Variants in IL4 observed in about 807,000 individuals in gnomAD.
The protein encoded by IL4 is interleukin-4.
In IL4, 10 loss-of-function variants were observed where a neutral mutation model predicts 17.4. The observed-to-expected ratio is 0.57, with a 90% CI of 0.35 to 0.97. IL4 has a LOEUF of 0.97. IL4 is among the 50% of genes least tolerant of loss of function. The pLI is 0.01. For synonymous variants in IL4, 87 were observed against 79.0 expected, an observed-to-expected ratio of 1.10 and a Z score of -0.54; for missense variants, 174 against 187.7, an observed-to-expected ratio of 0.93 and a Z score of 0.43.
chr5:132,679,885 G>A lies in IL4; in HGVS notation c.355G>A (p.Gly119Ser). The A allele has an allele frequency of 6.2e-7, 1 of 1,611,440 alleles. No homozygotes were observed. ...RLDRNLWGLA[G>S]LNSCPVKEAN... ...CGACAGGAACCTCTGGGGCCTGGCGGGCTTGGTAAGCTGCACTGTATTCCT... is the reference window on the plus strand; with the variant it reads ...CGACAGGAACCTCTGGGGCCTGGCGAGCTTGGTAAGCTGCACTGTATTCCT... The change falls in exon 3 of 4, where the codon GGC becomes AGC. Residue 119 changes from glycine to serine, a missense_variant. By Grantham distance (56) the Gly-to-Ser change is moderately conservative. Coordinates refer to ENST00000231449, the MANE Select transcript of IL4 (RefSeq NM_000589.4).
rs770321488 is a variant in IL4 at position 132,674,454 on chromosome 5, C to T, written c.136-5C>T. 6.2e-7 allele frequency: 1 copy of T among 1,613,818 alleles called. No individual in the cohort carries two copies. The highest frequency in any genetic ancestry group is 2.2e-5 in the East Asian group (1 of 44,900). The stretch of plus-strand genomic sequence containing the variant: ...TCTTGCTCTCTCATTTCTGCCTGGA[C>T]CAAGACTCTGTGCACCGAGTTGACC... On this transcript the variant is annotated splice_polypyrimidine_tract_variant and splice_region_variant and intron_variant, in intron 1 of 3. Coordinates refer to ENST00000231449, the MANE Select transcript of IL4 (RefSeq NM_000589.4).
chr5:132,678,818 G>T (rs539410750), intron 2 of IL4, among the ~76,000 whole-genome samples: 22 of 152,190 alleles, frequency 1.4e-4, no homozygotes, highest in African/African-American at 5.3e-4. Context: ...AGTGAAAAAT[G>T]AGAGGACACA....
intron 3 of IL4, among the ~76,000 whole-genome samples, chr5:132,681,751 T>C (rs1333457679): frequency 2.0e-5 from 3 of 152,086 alleles, no homozygotes; most frequent in African/African-American, 4.8e-5. Flanking sequence ...GAGGAATTAA[T>C]TGGCTTTAGA....
intron 3 of IL4, among the ~76,000 whole-genome samples, chr5:132,681,969 A>C (rs980060249): frequency 6.6e-6 from 1 of 152,198 alleles, no homozygotes; most frequent in Non-Finnish European, 1.5e-5. Context: ...TAAGCAATAC[A>C]ATTAATAAAT....
chr5:132,678,967 G>C (rs867071383), intron 2 of IL4, among the ~76,000 whole-genome samples: 1 of 152,304 alleles, frequency 6.6e-6, no homozygotes, highest in African/African-American at 2.4e-5. Flanking sequence ...GCATTCCAAG[G>C]AGATTCTCAC....
intron 2 of IL4, 77 bp from the exon 3 acceptor site, chr5:132,679,636 GA>G (rs1312043424): frequency 6.2e-6 from 8 of 1,300,590 alleles, no homozygotes; most frequent in Middle Eastern, 3.8e-4. Flanking sequence ...CTGGAAAGAA[GA>G]AATCAAGAGG....
At chr5:132,679,992 C>T (rs1561678163) in intron 3 of IL4, 102 bp downstream of exon 3, 1 of 957,712 alleles carries the variant, frequency 1.0e-6, no homozygotes, top group African/African-American at 1.7e-5. Flanking sequence ...CTTGGTCAAC[C>T]CATTCATTCA....
chr5:132,674,480 G>GT lies in IL4; in HGVS notation c.158dup (p.Thr54AsnfsTer12), dbSNP rs778578630. On this transcript the variant is annotated frameshift_variant, in exon 2 of 4. Coordinates refer to ENST00000231449, the MANE Select transcript of IL4 (RefSeq NM_000589.4). LOFTEE classifies it high-confidence loss of function. ...CAAGACTCTGTGCACCGAGTTGACC[G>GT]TAACAGACATCTTTGCTGCCTCCAA... 6.2e-7 allele frequency: 1 copy of GT among 1,613,978 alleles called. No homozygotes were observed. Among genetic ancestry groups the GT allele is most frequent in the Non-Finnish European group, 8.5e-7 (1 of 1,179,938 alleles).
chr5:132,678,255 C>T (rs376564598), intron 2 of IL4, among the ~76,000 whole-genome samples: 3 of 152,208 alleles, frequency 2.0e-5, no homozygotes, highest in Non-Finnish European at 2.9e-5. Flanking sequence ...TGCGTTTCTA[C>T]GCAGCTCTCA....
chr5:132,678,526 C>T (rs1207102643), intron 2 of IL4, among the ~76,000 whole-genome samples: 8 of 152,048 alleles, frequency 5.3e-5, no homozygotes, highest in Non-Finnish European at 1.2e-4. Flanking sequence ...TATGTAAGAA[C>T]TTGAAAGCTG....
At position 132,679,821 on chromosome 5, in the gene IL4, C is replaced by T; in HGVS notation, c.291C>T (p.Phe97=). 1 of 1,613,978 alleles carries T rather than the reference C, an allele frequency of 6.2e-7. No individual in the cohort carries two copies. The highest frequency in any genetic ancestry group is 1.1e-5 in the South Asian group (1 of 91,070). ...TRCLGATAQQ[F]HRHKQLIRFL... ...GCCTGGGTGCGACTGCACAGCAGTT[C>T]CACAGGCACAAGCAGCTGATCCGAT... is the stretch of plus-strand genomic sequence containing the variant. The change falls in exon 3 of 4, where the codon TTC becomes TTT. Residue 97 remains phenylalanine, a synonymous_variant. Coordinates refer to ENST00000231449, the MANE Select transcript of IL4 (RefSeq NM_000589.4).
In IL4 at chr5:132,679,814, A is replaced by G; in HGVS notation, c.284A>G (p.Gln95Arg). 17 of 1,614,000 alleles carry G rather than the reference A, an allele frequency of 1.1e-5. No individual in the cohort carries two copies. The highest frequency in any genetic ancestry group is 1.4e-5 in the Non-Finnish European group (17 of 1,179,946). ...ACTCGCTGCCTGGGTGCGACTGCAC[A>G]GCAGTTCCACAGGCACAAGCAGCTG... ...KDTRCLGATA[Q>R]QFHRHKQLIR... is the part of the protein sequence containing the mutation. Residue 95 changes from glutamine (Q) to arginine (R), a missense_variant, in exon 3 of 4, where the codon CAG becomes CGG. Gln to Arg is a conservative substitution (Grantham distance 43, BLOSUM62 1). Coordinates refer to ENST00000231449, the MANE Select transcript of IL4 (RefSeq NM_000589.4).
chr5:132,681,044 A>T (rs1479781391), intron 3 of IL4, among the ~76,000 whole-genome samples: 1 of 152,246 alleles, frequency 6.6e-6, no homozygotes, highest in African/African-American at 2.4e-5. Flanking sequence ...TGGCTCTTGG[A>T]TAGCCAAGTG....
chr5:132,674,798 C>A (rs71645908), intron 2 of IL4, among the ~76,000 whole-genome samples: 1 of 152,186 alleles, frequency 6.6e-6, no homozygotes, highest in Non-Finnish European at 1.5e-5. Context: ...GTGCCTGGAA[C>A]GTAGGAGGCA....
At chr5:132,681,571 G>C (rs1044431126) in intron 3 of IL4, among the ~76,000 whole-genome samples, 1 of 152,208 alleles carries the variant, frequency 6.6e-6, no homozygotes, top group Admixed American at 6.5e-5. Context: ...CTGCAGGGTG[G>C]TTATGGAGTG....
rs1228939084 is a variant in IL4, at chr5:132,680,098, C to T, written c.360+208C>T. ...TCACTAAAGACACGCAGGCCGAGTC[C>T]CTGTTCTCATGGAATGTTCTAATGG... On this transcript the variant is annotated intron_variant, in intron 3 of 3. Coordinates refer to ENST00000231449, the MANE Select transcript of IL4 (RefSeq NM_000589.4). This position sits in a 1 kb window ranked among gnomAD's most constrained non-coding sequence, Gnocchi z 4.3. Among the ~76,000 whole-genome samples, 1 of 152,100 alleles carries T rather than the reference C, an allele frequency of 6.6e-6. No individual in the cohort carries two copies. Among genetic ancestry groups the T allele is most frequent in the Admixed American group, 6.5e-5 (1 of 15,274 alleles).
intron 2 of IL4, chr5:132,677,737 G>C (rs1204113659): frequency 6.6e-6 from 1 of 151,440 alleles, no homozygotes; most frequent in Non-Finnish European, 1.5e-5. Context: ...AGAAGCAAAG[G>C]GCTGACTTTT....
intron 2 of IL4, among the ~76,000 whole-genome samples, chr5:132,675,471 G>A (rs546254661): frequency 2.2e-5 from 3 of 135,616 alleles, no homozygotes; most frequent in Non-Finnish European, 4.5e-5. Context: ...ACTGCTCTTC[G>A]GGCCTTTAGC....
chr5:132,681,842 C>A (rs1321658301), intron 3 of IL4, among the ~76,000 whole-genome samples: 1 of 152,164 alleles, frequency 6.6e-6, no homozygotes, highest in African/African-American at 2.4e-5. Context: ...GAACTTGGCA[C>A]AACACATGTT....
Sources: gnomAD v4.1 joint callset for allele counts (sites outside exome capture counted in the v4.1 genomes callset) on GRCh38, gnomAD v4.1.1 for gene constraint, Gnocchi (gnomAD v3.1) non-coding constraint, MANE v1.5 for transcripts, NCBI Gene and HGNC (gene_info 2026-07-23, HGNC 2026-07-21) for gene names.